Variants in CBLN2 observed in about 807,000 individuals in gnomAD.
CBLN2 encodes cerebellin-2.
Under a neutral mutation model 15.0 loss-of-function variants are expected in CBLN2, and 7 were observed. The observed-to-expected ratio is 0.47, with a 90% CI of 0.27 to 0.88. The LOEUF is 0.88. CBLN2 is among the 40% of genes least tolerant of loss of function. CBLN2 has a pLI of 0.14. For missense variants in CBLN2, 242 were observed against 304.5 expected, an observed-to-expected ratio of 0.79 and a Z score of 1.53; for synonymous variants, 149 against 135.2, an observed-to-expected ratio of 1.10 and a Z score of -0.71.
chr18:72,572,458 G>T (rs545802892), intron 1 of CBLN2, among the ~76,000 whole-genome samples: 3 of 152,102 alleles, frequency 2.0e-5, no homozygotes, highest in Non-Finnish European at 4.4e-5. Context: ...TTTAAGAAAA[G>T]TATTTCTTAC....
chr18:72,623,961 C>T (rs2069717520), intron 1 of CBLN2, among the ~76,000 whole-genome samples: 1 of 152,140 alleles, frequency 6.6e-6, no homozygotes, highest in African/African-American at 2.4e-5. Context: ...TCTCTGGGAG[C>T]TAAAGTCACC....
upstream of CBLN2, among the ~76,000 whole-genome samples, chr18:72,547,907 A>G (rs1029083296): frequency 6.6e-6 from 1 of 152,194 alleles, no homozygotes; most frequent in Non-Finnish European, 1.5e-5. Flanking sequence ...TTTCCAAAAT[A>G]TGTTTTCTTT....
intron 3 of CBLN2, 87 bp from the exon 4 acceptor site, chr18:72,538,859 C>T: frequency 6.6e-7 from 1 of 1,521,700 alleles, no homozygotes; most frequent in South Asian, 1.2e-5. Flanking sequence ...AGCAACACTG[C>T]CTCCTTCATC....
At position 72,537,594 on chromosome 18, in the gene CBLN2, G is replaced by A. The variant is rs2069073910; in HGVS notation, c.*582C>T. ...CAATCGTGCAAAATTTGCTTCTCTG[G>A]ATAAAGCACTTCTTGACAGGTTCCC... On this transcript the variant is annotated 3_prime_UTR_variant, in exon 5 of 5. Transcript: ENST00000269503. 1 of 152,748 alleles carries A rather than the reference G, an allele frequency of 6.5e-6. No homozygotes were observed. The highest frequency in any genetic ancestry group is 1.5e-5 in the Non-Finnish European group (1 of 68,172). 9.5% of individuals were successfully genotyped at this position (152,748 alleles called of 1,614,324 possible). A position where few individuals can be genotyped will look rare whatever the true frequency, so the allele number is the denominator to read the frequency against.
At chr18:72,598,812 C>T (rs995430294) in intron 1 of CBLN2, among the ~76,000 whole-genome samples, 23 of 152,312 alleles carry the variant, frequency 1.5e-4, no homozygotes, top group African/African-American at 4.8e-4. Context: ...TGTCCTGTGT[C>T]GCTTTCCACT....
intron 1 of CBLN2, among the ~76,000 whole-genome samples, chr18:72,604,879 T>A (rs1479887978): frequency 2.6e-5 from 4 of 152,176 alleles, no homozygotes; most frequent in Non-Finnish European, 5.9e-5. Flanking sequence ...CAACCAAAAA[T>A]GGACTAAGAC....
At chr18:72,568,413 A>T (rs746223546) in intron 1 of CBLN2, among the ~76,000 whole-genome samples, 1 of 152,202 alleles carries the variant, frequency 6.6e-6, no homozygotes, top group African/African-American at 2.4e-5. Flanking sequence ...CTGTGACTTC[A>T]TGTCAGTAGC....
intron 1 of CBLN2, among the ~76,000 whole-genome samples, chr18:72,635,541 T>C (rs1268765225): frequency 6.6e-6 from 1 of 152,158 alleles, no homozygotes; most frequent in East Asian, 1.9e-4. Flanking sequence ...TCAACTGACT[T>C]ATAACAATGT....
chr18:72,625,343 T>A (rs532081455), intron 1 of CBLN2: 2 of 152,216 alleles, frequency 1.3e-5, no homozygotes, highest in Admixed American at 1.3e-4. Context: ...GGACAAACAA[T>A]CAAGCCTTTC....
chr18:72,589,895 G>A (rs1483721500), intron 1 of CBLN2, among the ~76,000 whole-genome samples: 6 of 152,190 alleles, frequency 3.9e-5, no homozygotes, highest in Non-Finnish European at 7.3e-5. Flanking sequence ...CACTTTGGGA[G>A]GCCGAGGTGA....
chr18:72,574,150 C>T (rs1465648800), intron 1 of CBLN2, among the ~76,000 whole-genome samples: 4 of 152,062 alleles, frequency 2.6e-5, no homozygotes, highest in African/African-American at 9.6e-5. Flanking sequence ...TGTTTATTGT[C>T]GTGTTTTAAG....
chr18:72,619,260 G>A, intron 1 of CBLN2: 1 of 839,706 alleles, frequency 1.2e-6, no homozygotes, highest in Non-Finnish European at 1.9e-6. Flanking sequence ...GGAGAGGAGA[G>A]CCAGAGAAGT....
intron 1 of CBLN2, among the ~76,000 whole-genome samples, chr18:72,564,879 A>G (rs1054440496): frequency 2.6e-5 from 4 of 152,220 alleles, no homozygotes; most frequent in Non-Finnish European, 4.4e-5. Context: ...ACCCAAAGTC[A>G]GAGAGAGAAC....
At chr18:72,539,776 T>C (rs982027365) in intron 3 of CBLN2, 1 of 151,976 alleles carries the variant, frequency 6.6e-6, no homozygotes, top group East Asian at 1.9e-4. Flanking sequence ...ATCCTCCTCA[T>C]CCATAAATGC....
Position 72,544,230 on chromosome 18 carries a change from G to A in CBLN2, c.-465C>T, listed in dbSNP as rs2069140779. The A allele has an allele frequency of 8.0e-6, 1 of 124,584 alleles. No individual in the cohort carries two copies. The highest frequency in any genetic ancestry group is 2.6e-5 in the African/African-American group (1 of 38,338). The allele number at this position is 124,584 out of a possible 1,614,324, so 7.7% of individuals were successfully genotyped here. On this transcript the variant is annotated 5_prime_UTR_variant, in exon 1 of 5. Coordinates refer to ENST00000269503, the MANE Select transcript of CBLN2 (RefSeq NM_182511.4). ...GAAAAAAAAAGCTTGAGAATTTGATGATTTAGGAGCTGTGGTTCCAGAGTC... is the reference window on the plus strand; with the variant it reads ...GAAAAAAAAAGCTTGAGAATTTGATAATTTAGGAGCTGTGGTTCCAGAGTC...
intron 1 of CBLN2, among the ~76,000 whole-genome samples, chr18:72,591,301 C>T (rs1354294928): frequency 6.6e-6 from 1 of 151,972 alleles, no homozygotes; most frequent in African/African-American, 2.4e-5. Flanking sequence ...AAAGGAAATT[C>T]CTAACAAATC....
chr18:72,545,989 T>C (rs529789659), upstream of CBLN2, among the ~76,000 whole-genome samples: 1 of 152,350 alleles, frequency 6.6e-6, no homozygotes, highest in Non-Finnish European at 1.5e-5. Context: ...CTTATTGGAC[T>C]AAGTTATTGA....
At chr18:72,589,714 C>A (rs1400027587) in intron 1 of CBLN2, among the ~76,000 whole-genome samples, 1 of 152,174 alleles carries the variant, frequency 6.6e-6, no homozygotes, top group East Asian at 1.9e-4. Flanking sequence ...AAGACATAAT[C>A]CAATTATCTT....
chr18:72,604,043 C>T (rs181910251), intron 1 of CBLN2, among the ~76,000 whole-genome samples: 55 of 152,294 alleles, frequency 3.6e-4, no homozygotes, highest in East Asian at 9.6e-4. Context: ...CCGATTACAT[C>T]GGCATCCCTG....
Sources: gnomAD v4.1 joint callset for allele counts (sites outside exome capture counted in the v4.1 genomes callset) on GRCh38, gnomAD v4.1.1 for gene constraint, MANE v1.5 for transcripts, NCBI Gene and HGNC (gene_info 2026-07-23, HGNC 2026-07-21) for gene names.